The following ANLN variants were observed in gnomAD, a reference collection of about 807,000 sequenced individuals.
ANLN encodes the protein anillin.
In ANLN, 59 loss-of-function variants were observed where a neutral mutation model predicts 135.1. The observed-to-expected ratio is 0.44, with a 90% CI of 0.35 to 0.54. The LOEUF (loss-of-function observed/expected upper bound fraction) is 0.54, where lower values mean the gene tolerates loss of function less well. Among genes scored for constraint, ANLN ranks in the 20% least tolerant of loss-of-function variants. The pLI, the probability that ANLN is intolerant of heterozygous loss-of-function variation, is 0.00. For missense variants in ANLN, 1,182 were observed against 1,340.0 expected, an observed-to-expected ratio of 0.88 and a Z score of 1.84; for synonymous variants, 406 against 456.4, an observed-to-expected ratio of 0.89 and a Z score of 1.41.
At chr7:36,405,885 G>A (rs1311362278) in intron 3 of ANLN, among the ~76,000 whole-genome samples, 1 of 152,018 alleles carries the variant, frequency 6.6e-6, no homozygotes, top group Non-Finnish European at 1.5e-5. Flanking sequence ...ATTGTGCAAT[G>A]TTATATATAC....
intron 6 of ANLN, 65 bp downstream of exon 6, chr7:36,410,769 T>A: frequency 1.4e-6 from 2 of 1,453,250 alleles, no homozygotes; most frequent in Non-Finnish European, 1.9e-6. Context: ...GAAATCAAAA[T>A]GGGTTCTGAT....
In ANLN at chr7:36,428,197, C is replaced by T. The variant is rs1788165076; in HGVS notation, c.2883+1169C>T. 2.7e-5 allele frequency: 11 copies of T among 401,326 alleles called. No individual in the cohort carries two copies. In the South Asian group the frequency reaches 2.8e-4, roughly 10 times the overall value. The allele number at this position is 401,326 out of a possible 1,614,324, so 24.9% of individuals were successfully genotyped here. On this transcript the variant is annotated intron_variant, in intron 20 of 23. Transcript: ENST00000265748. ...CTATTAATGCATGAATGTGTTTTAACAAGTTAATTTTAAAAATTTTTGTAA... is the reference window on the plus strand; with the variant it reads ...CTATTAATGCATGAATGTGTTTTAATAAGTTAATTTTAAAAATTTTTGTAA...
intron 5 of ANLN, among the ~76,000 whole-genome samples, 172 bp from the exon 6 acceptor site, chr7:36,410,342 A>G: frequency 6.6e-6 from 1 of 152,136 alleles, no homozygotes; most frequent in Non-Finnish European, 1.5e-5. Flanking sequence ...ACTTAAATAG[A>G]ATAGTAAACT....
At position 36,396,415 on chromosome 7, in the gene ANLN, T is replaced by G. The variant is rs1174040308; in HGVS notation, c.168T>G (p.Gly56=). The change falls in exon 2 of 24, where the codon GGT becomes GGG. Residue 56 remains glycine (G), a synonymous_variant. Coordinates refer to ENST00000265748, the MANE Select transcript of ANLN (RefSeq NM_018685.5). ...EASNQQPLSG[G]EEKSCTKPSP... is the part of the protein sequence containing the mutation. ...GTAACCAGCAGCCCCTCTCTGGTGG[T>G]GAAGGTAAAAGACTTTGTGGGGAAA... 4 of 1,571,690 alleles carry G rather than the reference T, an allele frequency of 2.5e-6. No individual in the cohort carries two copies. Among genetic ancestry groups the G allele is most frequent in the Non-Finnish European group, 3.5e-6 (4 of 1,154,592 alleles).
chr7:36,442,784 G>C (rs958585987), intron 21 of ANLN, among the ~76,000 whole-genome samples: 1 of 151,686 alleles, frequency 6.6e-6, no homozygotes, highest in Non-Finnish European at 1.5e-5. Context: ...GATGCTCACC[G>C]CCACGCCTGG....
intron 22 of ANLN, among the ~76,000 whole-genome samples, chr7:36,448,303 C>T (rs1789102187): frequency 6.6e-6 from 1 of 152,204 alleles, no homozygotes; most frequent in South Asian, 2.1e-4. Context: ...GCATGAGTCA[C>T]TGCACCCAGC....
At chr7:36,426,826 A>C (rs1788097929) in intron 19 of ANLN, 90 bp from the exon 20 acceptor site, 3 of 655,964 alleles carry the variant, frequency 4.6e-6, no homozygotes, top group Non-Finnish European at 7.2e-6. Flanking sequence ...TGGCAGCTTA[A>C]TTTTCTTCTA....
chr7:36,425,867 G>A (rs1398542971), intron 18 of ANLN, 127 bp downstream of exon 18: 2 of 1,127,118 alleles, frequency 1.8e-6, no homozygotes, highest in Non-Finnish European at 1.3e-6. Context: ...CTAATGGGGG[G>A]ATATCCCTGT....
chr7:36,390,133 C>G, intron 1 of ANLN, 89 bp downstream of exon 1: 1 of 1,599,312 alleles, frequency 6.3e-7, no homozygotes, highest in Non-Finnish European at 8.5e-7. Flanking sequence ...CGAACCCCCA[C>G]CGGGCGGAGG....
rs376969147 is a variant in ANLN, at chr7:36,452,769, T to C, written c.*169T>C. The C allele has an allele frequency of 1.5e-6, 1 of 662,954 alleles. No individual in the cohort carries two copies. 41.1% of individuals were successfully genotyped at this position (662,954 alleles called of 1,614,324 possible). ...TATCTTTTGTATGTAAAACTTTAAC[T>C]GATTTCTGTCATTCATCAATGAGTA... On this transcript the variant is annotated 3_prime_UTR_variant, in exon 24 of 24. Transcript: ENST00000265748.
chr7:36,444,740 A>G (rs575489624), intron 22 of ANLN, among the ~76,000 whole-genome samples: 4 of 152,180 alleles, frequency 2.6e-5, no homozygotes, highest in African/African-American at 4.8e-5. Flanking sequence ...TATGTTTTCA[A>G]ACTTTTAAAA....
At chr7:36,434,530 A>C (rs1320875358) in intron 20 of ANLN, among the ~76,000 whole-genome samples, 1 of 152,216 alleles carries the variant, frequency 6.6e-6, no homozygotes, top group African/African-American at 2.4e-5. Context: ...TAAGTTGCTA[A>C]GAATATTTTC....
intron 10 of ANLN, among the ~76,000 whole-genome samples, 200 bp downstream of exon 10, chr7:36,419,679 A>C (rs1362116165): frequency 6.6e-6 from 1 of 152,196 alleles, no homozygotes; most frequent in South Asian, 2.1e-4. Context: ...AAAGAGTAAC[A>C]TGGCTTAAAA....
At position 36,427,089 on chromosome 7, in the gene ANLN, C is replaced by T. The variant is rs535461823; in HGVS notation, c.2883+61C>T. 28 of 1,030,690 alleles carry T rather than the reference C, an allele frequency of 2.7e-5. No individual in the cohort carries two copies. In the East Asian group the frequency reaches 6.3e-4, roughly 23 times the overall value. The allele number at this position is 1,030,690 out of a possible 1,614,324, so 63.8% of individuals were successfully genotyped here. On this transcript the variant is annotated intron_variant, in intron 20 of 23. Transcript: ENST00000265748. Reference sequence around the variant, plus strand: ...TTTTTTAATCTTAGAAAAATTAGCTCAATGGAAATGCCACAATGCTTTTAG... The same window carrying T: ...TTTTTTAATCTTAGAAAAATTAGCTTAATGGAAATGCCACAATGCTTTTAG...
At chr7:36,403,204 C>A (rs1382538845) in intron 3 of ANLN, among the ~76,000 whole-genome samples, 1 of 152,070 alleles carries the variant, frequency 6.6e-6, no homozygotes, top group Non-Finnish European at 1.5e-5. Flanking sequence ...TTGAGAGATA[C>A]AGGAGACAAA....
At chr7:36,450,495 T>G (rs969862326) in intron 23 of ANLN, among the ~76,000 whole-genome samples, 1 of 152,100 alleles carries the variant, frequency 6.6e-6, no homozygotes, top group South Asian at 2.1e-4. Flanking sequence ...GGGGGGAGAT[T>G]GGTAGGACTA....
intron 3 of ANLN, among the ~76,000 whole-genome samples, chr7:36,399,627 A>G (rs1562786013): frequency 1.3e-5 from 2 of 152,204 alleles, no homozygotes; most frequent in Admixed American, 6.5e-5. Flanking sequence ...TGATCTTATA[A>G]CTGTATTACC....
At chr7:36,433,142 T>C (rs191925389) in intron 20 of ANLN, among the ~76,000 whole-genome samples, 200 of 152,324 alleles carry the variant, frequency 1.3e-3, no homozygotes, top group African/African-American at 4.7e-3. Flanking sequence ...AAAGAAACTT[T>C]TATATTTTTA....
In ANLN at chr7:36,402,462, C is replaced by T. The variant is rs148871535; in HGVS notation, c.487+3069C>T. Among the ~76,000 whole-genome samples the T allele has an allele frequency of 8.2e-3, 1,242 of 152,224 alleles. 9 individuals carry two copies. The highest frequency in any genetic ancestry group is 0.014 in the Middle Eastern group (4 of 294). The stretch of plus-strand genomic sequence containing the variant: ...TTCTAACTGGTCTTCCTGCTTCAGA[C>T]CTCTGCCCTGTCCAGTCCCTCCTCA... On this transcript the variant is annotated intron_variant, in intron 3 of 23. Coordinates refer to ENST00000265748, the MANE Select transcript of ANLN (RefSeq NM_018685.5).
Sources: allele counts gnomAD v4.1 joint callset (sites outside exome capture counted in the v4.1 genomes callset), GRCh38; gene constraint gnomAD v4.1.1; transcripts MANE v1.5; gene names NCBI Gene and HGNC (gene_info 2026-07-23, HGNC 2026-07-21).